Variants in KCNIP4 observed in about 807,000 individuals in gnomAD.
The protein encoded by KCNIP4 is potassium voltage-gated channel interacting protein 4.
In KCNIP4, 12 loss-of-function variants were observed where a neutral mutation model predicts 34.0. The ratio of observed to expected loss-of-function variants is 0.35; its 90% CI spans 0.23 to 0.57. The LOEUF is 0.57. Ranked by LOEUF, KCNIP4 falls within the 20% of genes least tolerant of loss-of-function variation. The probability of loss-of-function intolerance (pLI) is 0.83; values close to 1 mark genes in which losing one functional copy is unlikely to be tolerated. For synonymous variants in KCNIP4, 124 were observed against 102.2 expected, an observed-to-expected ratio of 1.21 and a Z score of -1.29; for missense variants, 238 against 311.7, an observed-to-expected ratio of 0.76 and a Z score of 1.78.
chr4:20,837,684 A>T (rs972428411), intron 3 of KCNIP4, among the ~76,000 whole-genome samples: 41,153 of 101,984 alleles, frequency 0.4, 6,908 homozygotes, highest in South Asian at 0.45. Flanking sequence ...ATATATATAT[A>T]TATTTTTTTT....
At chr4:21,947,561 C>G (rs1730575286) in intron 1 of KCNIP4, among the ~76,000 whole-genome samples, 1 of 152,146 alleles carries the variant, frequency 6.6e-6, no homozygotes, top group South Asian at 2.1e-4. Flanking sequence ...ATGATTGACT[C>G]AAGTTGTTGA....
At position 21,367,008 on chromosome 4, in the gene KCNIP4, T is replaced by C. The variant is rs192871132; in HGVS notation, c.62-484299A>G. On this transcript the variant is annotated intron_variant, in intron 1 of 8. Coordinates refer to ENST00000382152, the MANE Select transcript of KCNIP4 (RefSeq NM_025221.6). ...ATGAGATCAGGGTCTTTAAAAAGGC[T>C]TGAGGGAGTGATTGGCTCTCTTCTG... Among the ~76,000 whole-genome samples, 165 of 152,226 alleles carry C rather than the reference T, an allele frequency of 1.1e-3. 1 individual carries two copies. The highest frequency in any genetic ancestry group is 3.9e-3 in the African/African-American group (162 of 41,550).
At chr4:20,862,994 G>A (rs1427512651) in intron 2 of KCNIP4, among the ~76,000 whole-genome samples, 1 of 152,090 alleles carries the variant, frequency 6.6e-6, no homozygotes, top group South Asian at 2.1e-4. Flanking sequence ...AGGAGGAAGA[G>A]GATTAGGAAA....
chr4:21,108,149 C>T (rs1170615082), intron 1 of KCNIP4, among the ~76,000 whole-genome samples: 10 of 151,362 alleles, frequency 6.6e-5, no homozygotes, highest in Non-Finnish European at 1.5e-4. Context: ...TATTGGCCTG[C>T]CTTGCTAGAT....
chr4:21,468,342 G>A (rs561588123), intron 1 of KCNIP4, among the ~76,000 whole-genome samples: 1 of 152,214 alleles, frequency 6.6e-6, no homozygotes, highest in South Asian at 2.1e-4. Flanking sequence ...ATCTGAACAA[G>A]GCAAGTAAGG....
intron 1 of KCNIP4, among the ~76,000 whole-genome samples, chr4:21,377,539 T>A (rs1344022593): frequency 1.3e-5 from 2 of 152,214 alleles, no homozygotes; most frequent in Non-Finnish European, 2.9e-5. Context: ...AATACGTGTA[T>A]CAATTCTTTT....
chr4:20,934,731 T>C (rs570008698), intron 1 of KCNIP4, among the ~76,000 whole-genome samples: 5 of 152,288 alleles, frequency 3.3e-5, no homozygotes, highest in Admixed American at 2.0e-4. Context: ...CAGTTTATCA[T>C]ATGGCTCTAA....
At chr4:21,304,776 T>C (rs962214834) in intron 1 of KCNIP4, among the ~76,000 whole-genome samples, 1 of 152,202 alleles carries the variant, frequency 6.6e-6, no homozygotes, top group Admixed American at 6.5e-5. Flanking sequence ...AACTATCATA[T>C]CTTTTTGAAG....
chr4:20,992,701 C>G (rs1175566284), intron 1 of KCNIP4, among the ~76,000 whole-genome samples: 3 of 151,950 alleles, frequency 2.0e-5, no homozygotes, highest in African/African-American at 7.3e-5. Flanking sequence ...AACCTTAGAG[C>G]CCTGAACATT....
chr4:20,863,766 G>A (rs927678960), intron 2 of KCNIP4, among the ~76,000 whole-genome samples: 3 of 151,880 alleles, frequency 2.0e-5, no homozygotes, highest in African/African-American at 4.8e-5. Flanking sequence ...GGGTATTTTC[G>A]ACCAGACAAA....
chr4:21,241,857 T>C (rs978233421), intron 1 of KCNIP4, among the ~76,000 whole-genome samples: 11 of 152,062 alleles, frequency 7.2e-5, no homozygotes, highest in African/African-American at 2.7e-4. Flanking sequence ...GTCTATATCA[T>C]GGGATTAAGA....
intron 1 of KCNIP4, among the ~76,000 whole-genome samples, chr4:21,873,684 T>C (rs1484166668): frequency 6.6e-6 from 1 of 152,076 alleles, no homozygotes; most frequent in Non-Finnish European, 1.5e-5. Context: ...ACAACAAAAT[T>C]ATAAAAATAA....
intron 1 of KCNIP4, among the ~76,000 whole-genome samples, chr4:21,579,997 TAAATATATA>T (rs1327133358): frequency 6.6e-6 from 1 of 152,130 alleles, no homozygotes; most frequent in Admixed American, 6.6e-5. Flanking sequence ...TAACTACAGC[TAAATATATA>T]ATTTCCAGTT....
chr4:21,745,446 A>C (rs1444525487), intron 1 of KCNIP4, among the ~76,000 whole-genome samples: 1 of 152,206 alleles, frequency 6.6e-6, no homozygotes, highest in Non-Finnish European at 1.5e-5. Flanking sequence ...GAACATTTTC[A>C]AAAGAATGTA....
intron 1 of KCNIP4, among the ~76,000 whole-genome samples, chr4:21,498,442 CTTTTA>C (rs1733029406): frequency 1.3e-5 from 2 of 152,128 alleles, no homozygotes; most frequent in Non-Finnish European, 2.9e-5. Context: ...ACTATTAAAA[CTTTTA>C]AAAAGTCATT....
chr4:20,730,958 A>G (rs867212833), intron 8 of KCNIP4, among the ~76,000 whole-genome samples: 4 of 152,236 alleles, frequency 2.6e-5, no homozygotes, highest in African/African-American at 4.8e-5. Context: ...AGACCACTGC[A>G]TGGAAATCCA....
intron 2 of KCNIP4, among the ~76,000 whole-genome samples, chr4:20,879,031 C>A (rs1284019376): frequency 2.0e-5 from 3 of 151,880 alleles, no homozygotes; most frequent in African/African-American, 7.2e-5. Flanking sequence ...ATAAGACGCT[C>A]AGAGTGAGTG....
chr4:21,519,913 T>C (rs1400587086), intron 1 of KCNIP4, among the ~76,000 whole-genome samples: 3 of 149,454 alleles, frequency 2.0e-5, no homozygotes, highest in Non-Finnish European at 3.0e-5. Context: ...TTTATATGTA[T>C]AGTTAAGTAT....
intron 1 of KCNIP4, among the ~76,000 whole-genome samples, chr4:21,819,515 G>A (rs1356027700): frequency 6.6e-6 from 1 of 152,114 alleles, no homozygotes; most frequent in East Asian, 1.9e-4. Flanking sequence ...TAAGTTTGGT[G>A]AATGCCAGAA....
Sources: gnomAD v4.1 joint callset for allele counts (sites outside exome capture counted in the v4.1 genomes callset) on GRCh38, gnomAD v4.1.1 for gene constraint, MANE v1.5 for transcripts, NCBI Gene and HGNC (gene_info 2026-07-23, HGNC 2026-07-21) for gene names.